SH3PXD2A: variants seen among roughly 807,000 people sequenced by gnomAD.
SH3PXD2A encodes SH3 and PX domain-containing protein 2A.
A neutral mutation model predicts 115.2 loss-of-function variants in SH3PXD2A; 32 were observed. That is an observed-to-expected ratio of 0.28 (90% CI 0.21 to 0.37). SH3PXD2A has a LOEUF of 0.37. Ranked by LOEUF, SH3PXD2A falls within the 10% of genes least tolerant of loss-of-function variation. The pLI, the probability that SH3PXD2A is intolerant of heterozygous loss-of-function variation, is 1.00. For synonymous variants in SH3PXD2A, 610 were observed against 629.1 expected, an observed-to-expected ratio of 0.97 and a Z score of 0.45; for missense variants, 1,328 against 1,498.7, an observed-to-expected ratio of 0.89 and a Z score of 1.88.
intron 4 of SH3PXD2A, among the ~76,000 whole-genome samples, chr10:103,729,039 C>T (rs2038282043): frequency 6.6e-6 from 1 of 151,996 alleles, no homozygotes; most frequent in Non-Finnish European, 1.5e-5. Context: ...GATTTACAGG[C>T]ACGTGCCACC....
At chr10:103,798,328 G>T (rs1482179148) in intron 2 of SH3PXD2A, among the ~76,000 whole-genome samples, 1 of 151,856 alleles carries the variant, frequency 6.6e-6, no homozygotes, top group Non-Finnish European at 1.5e-5. Context: ...TTGTTTTTTT[G>T]AGACAGGGTC....
intron 6 of SH3PXD2A, among the ~76,000 whole-genome samples, chr10:103,674,609 C>A (rs1354339428): frequency 3.3e-5 from 5 of 152,308 alleles, no homozygotes; most frequent in Non-Finnish European, 5.9e-5. Context: ...ATCAGGAGGT[C>A]AGGAGTTTGA....
At chr10:103,634,628 A>G (rs745370043) in intron 8 of SH3PXD2A, among the ~76,000 whole-genome samples, 3 of 152,178 alleles carry the variant, frequency 2.0e-5, no homozygotes, top group Non-Finnish European at 4.4e-5. Flanking sequence ...TACTTTACAC[A>G]GATACTTGAG....
intron 1 of SH3PXD2A, among the ~76,000 whole-genome samples, chr10:103,850,586 TCCTAA>T (rs1842887705): frequency 6.6e-6 from 1 of 152,134 alleles, no homozygotes; most frequent in Non-Finnish European, 1.5e-5. Context: ...TTTCCTTCTC[TCCTAA>T]CCTCTGTTTC....
intron 3 of SH3PXD2A, among the ~76,000 whole-genome samples, chr10:103,745,115 CT>C (rs2038486689): frequency 6.6e-6 from 1 of 152,202 alleles, no homozygotes; most frequent in South Asian, 2.1e-4. Context: ...CTCTCTACAG[CT>C]GCTAACTCAT....
rs376897983 is a variant in SH3PXD2A at position 103,763,374 on chromosome 10, AC to A, written c.229+3719del. 3.0e-3 allele frequency among the ~76,000 whole-genome samples: 451 copies of A among 152,102 alleles called. 1 individual carries two copies. The highest frequency in any genetic ancestry group is 0.01 in the African/African-American group (424 of 41,504). On this transcript the variant is annotated intron_variant, in intron 3 of 14. Coordinates refer to ENST00000369774, the MANE Select transcript of SH3PXD2A (RefSeq NM_001394015.1). ...CAGCATCTCTGGAGCTAAAATTGAG[AC>A]CCTTCTGGAAATAATAGGTGCTCTC...
intron 8 of SH3PXD2A, among the ~76,000 whole-genome samples, chr10:103,633,726 T>TAAAAAAA (rs1564849597): frequency 6.7e-5 from 1 of 14,910 alleles, no homozygotes; most frequent in African/African-American, 2.6e-4. Context: ...AGATTCTGTC[T>TAAAAAAA]CAAAAAAAAA....
intron 5 of SH3PXD2A, among the ~76,000 whole-genome samples, chr10:103,698,324 C>G (rs1414501181): frequency 6.6e-6 from 1 of 152,240 alleles, no homozygotes; most frequent in East Asian, 1.9e-4. Flanking sequence ...CCGCCACACC[C>G]CTCACCACTC....
chr10:103,729,597 T>C (rs2038289903), intron 4 of SH3PXD2A, among the ~76,000 whole-genome samples: 1 of 152,220 alleles, frequency 6.6e-6, no homozygotes, highest in Non-Finnish European at 1.5e-5. Flanking sequence ...GCGGGGCTGC[T>C]GGAACTATGC....
chr10:103,632,675 C>T (rs2036797942), intron 8 of SH3PXD2A, among the ~76,000 whole-genome samples: 1 of 152,158 alleles, frequency 6.6e-6, no homozygotes, highest in South Asian at 2.1e-4. Context: ...GTCATCTCCC[C>T]TGGCATCAAC....
At chr10:103,637,481 A>G (rs1275042877) in intron 8 of SH3PXD2A, among the ~76,000 whole-genome samples, 1 of 152,130 alleles carries the variant, frequency 6.6e-6, no homozygotes, top group African/African-American at 2.4e-5. Flanking sequence ...TGGTGGAGCT[A>G]GGAAAAGAGG....
Position 103,617,321 on chromosome 10 carries a change from G to T in SH3PXD2A, c.803-7C>A. The T allele has an allele frequency of 6.3e-7, 1 of 1,595,422 alleles. No individual in the cohort carries two copies. The highest frequency in any genetic ancestry group is 1.1e-5 in the South Asian group (1 of 90,668). ...ACGGTGACATACTTCTCCTCTGGGG[G>T]TGGGAGCAAGCAAGCAAGATTATTT... On this transcript the variant is annotated splice_polypyrimidine_tract_variant and splice_region_variant and intron_variant, in intron 10 of 14. Coordinates refer to ENST00000369774, the MANE Select transcript of SH3PXD2A (RefSeq NM_001394015.1).
intron 1 of SH3PXD2A, among the ~76,000 whole-genome samples, chr10:103,839,573 G>A (rs1053605800): frequency 6.6e-6 from 1 of 150,788 alleles, no homozygotes; most frequent in African/African-American, 2.4e-5. Flanking sequence ...CCTCCCCCAA[G>A]GCCACACAGC....
chr10:103,722,232 A>C (rs2038190772), intron 5 of SH3PXD2A, among the ~76,000 whole-genome samples: 1 of 150,148 alleles, frequency 6.7e-6, no homozygotes, highest in Non-Finnish European at 1.5e-5. Flanking sequence ...TGAACCTGGG[A>C]GCCAAAAGTT....
At chr10:103,691,887 C>T (rs2037756566) in intron 6 of SH3PXD2A, among the ~76,000 whole-genome samples, 1 of 152,154 alleles carries the variant, frequency 6.6e-6, no homozygotes, top group African/African-American at 2.4e-5. Context: ...CTTTCCCTGT[C>T]CCAATAGGCA....
At chr10:103,814,008 A>AC (rs2039297571) in intron 1 of SH3PXD2A, among the ~76,000 whole-genome samples, 2 of 135,114 alleles carry the variant, frequency 1.5e-5, no homozygotes, top group African/African-American at 5.4e-5. Flanking sequence ...CTAAAAAAAA[A>AC]AAAAAAACAA....
intron 6 of SH3PXD2A, among the ~76,000 whole-genome samples, chr10:103,692,810 T>C (rs1195214385): frequency 2.0e-5 from 3 of 151,712 alleles, no homozygotes; most frequent in Admixed American, 2.0e-4. Context: ...AGCGAGTCGG[T>C]GGAAGGCGAA....
chr10:103,771,651 C>T (rs1465507509), intron 2 of SH3PXD2A, among the ~76,000 whole-genome samples: 1 of 151,982 alleles, frequency 6.6e-6, no homozygotes, highest in Non-Finnish European at 1.5e-5. Context: ...AGGAGAATCG[C>T]TTGAACCTCG....
chr10:103,631,545 C>T (rs1422804956), intron 8 of SH3PXD2A, among the ~76,000 whole-genome samples: 2 of 152,156 alleles, frequency 1.3e-5, no homozygotes, highest in Non-Finnish European at 2.9e-5. Flanking sequence ...GCTGATGCCA[C>T]CCCTAACAAT....
Sources: gnomAD v4.1 joint callset for allele counts (sites outside exome capture counted in the v4.1 genomes callset) on GRCh38, gnomAD v4.1.1 for gene constraint, MANE v1.5 for transcripts, NCBI Gene and HGNC (gene_info 2026-07-23, HGNC 2026-07-21) for gene names.